UPF3B: variants seen among roughly 807,000 people sequenced by gnomAD.
UPF3B encodes the protein regulator of nonsense transcripts 3B.
Under a neutral mutation model 40.3 loss-of-function variants are expected in UPF3B, and 7 were observed. That is an observed-to-expected ratio of 0.17 (90% CI 0.10 to 0.33). The LOEUF (loss-of-function observed/expected upper bound fraction) is 0.33. UPF3B is among the 10% of genes least tolerant of loss of function. The pLI is 1.00. For synonymous variants in UPF3B, 117 were observed against 117.3 expected, an observed-to-expected ratio of 1.00 and a Z score of 0.01; for missense variants, 229 against 358.9, an observed-to-expected ratio of 0.64 and a Z score of 2.93.
intron 10 of UPF3B, among the ~76,000 whole-genome samples, chrX:119,836,447 G>A (rs982524130): frequency 3.3e-4 from 37 of 111,185 alleles, no homozygotes; most frequent in African/African-American, 1.1e-3. Context: ...AGGAATTATT[G>A]TTAGTTTTTT....
rs762456887 is a variant in UPF3B, at chrX:119,811,056, T to A, written c.603-3475A>T. 2.8e-5 allele frequency among the ~76,000 whole-genome samples: 3 copies of A among 109,071 alleles called. No individual in the cohort carries two copies. The East Asian group carries it at 8.7e-4, about 32-fold the overall frequency. 94.7% of individuals were successfully genotyped at this position (109,071 alleles called of 115,157 possible). On this transcript the variant is annotated intron_variant, in intron 5 of 6. Transcript: ENST00000636792. ...TTTTCCACAAACTTTTTTTTTTTTTTGAGACAGAGTCTGGCTCTGTCACCC... is the reference window on the plus strand; with the variant it reads ...TTTTCCACAAACTTTTTTTTTTTTTAGAGACAGAGTCTGGCTCTGTCACCC...
intron 5 of UPF3B, among the ~76,000 whole-genome samples, chrX:119,811,216 AT>A (rs1032917788): frequency 9.1e-6 from 1 of 109,563 alleles, no homozygotes; most frequent in Non-Finnish European, 1.9e-5. Context: ...TTTTTTTTCT[AT>A]TTTTTTAGTA....
At chrX:119,812,425 C>T (rs2055833982) in intron 5 of UPF3B, among the ~76,000 whole-genome samples, 1 of 111,217 alleles carries the variant, frequency 9.0e-6, no homozygotes, top group Non-Finnish European at 1.9e-5. Context: ...ATATCTTTTC[C>T]ATTCTCAACC....
chrX:119,844,761 A>C (rs1188291758), intron 4 of UPF3B, among the ~76,000 whole-genome samples: 3 of 110,546 alleles, frequency 2.7e-5, no homozygotes, highest in Non-Finnish European at 5.7e-5. Flanking sequence ...GCACCACCAT[A>C]CCCGGCTAAT....
chrX:119,819,107 G>A (rs1452550635), intron 4 of UPF3B, among the ~76,000 whole-genome samples: 1 of 99,478 alleles, frequency 1.0e-5, no homozygotes, highest in African/African-American at 3.7e-5. Context: ...AGGCTGGACT[G>A]CAGTGGTGCA....
At chrX:119,807,544 C>T (rs890403011) in exon 6 of UPF3B, 59 of 846,742 alleles carry the variant, frequency 7.0e-5, no homozygotes, top group East Asian at 8.6e-5. Context: ...ACCTGGGCTT[C>T]GAGCTCCTGG....
Position 119,842,597 on chromosome X carries a change from C to CACACAT in UPF3B, c.580+593_580+594insATGTGT, listed in dbSNP as rs1556379986. On this transcript the variant is annotated intron_variant, in intron 5 of 10. Transcript: ENST00000276201. ...TCCATCTCTCACACACACACACACA[C>CACACAT]ACACACATACACACACACACACACA... 5.1e-4 allele frequency among the ~76,000 whole-genome samples: 29 copies of CACACAT among 56,992 alleles called. No homozygotes were observed. The South Asian group carries it at 6.1e-3, about 12-fold the overall frequency. The allele number at this position is 56,992 out of a possible 115,157, so 49.5% of individuals were successfully genotyped here.
At chrX:119,809,020 A>C (rs12558775) in intron 5 of UPF3B, among the ~76,000 whole-genome samples, 33,571 of 111,741 alleles carry the variant, frequency 0.3, 4,855 homozygotes, top group Non-Finnish European at 0.45. Flanking sequence ...CAGTGGTAGA[A>C]AGAAATACCC....
chrX:119,842,686 C>T (rs947672742), intron 5 of UPF3B, among the ~76,000 whole-genome samples: 3 of 109,173 alleles, frequency 2.7e-5, no homozygotes, highest in African/African-American at 1.0e-4. Flanking sequence ...ACAAAAAAAC[C>T]CCACATATTC....
chrX:119,810,449 G>A (rs182606828), intron 5 of UPF3B, among the ~76,000 whole-genome samples: 104 of 112,198 alleles, frequency 9.3e-4, no homozygotes, highest in African/African-American at 3.1e-3. Context: ...TAATGGCTCC[G>A]AAGATGTGGA....
At chrX:119,835,500 G>T (rs2056081505) in intron 10 of UPF3B, among the ~76,000 whole-genome samples, 1 of 111,908 alleles carries the variant, frequency 8.9e-6, no homozygotes, top group Non-Finnish European at 1.9e-5. Flanking sequence ...CTCCCAAATT[G>T]TTGGGATTAC....
intron 5 of UPF3B, among the ~76,000 whole-genome samples, chrX:119,809,220 A>G (rs753467108): frequency 1.8e-5 from 2 of 110,206 alleles, no homozygotes; most frequent in South Asian, 7.6e-4. Context: ...GGTGTGACTC[A>G]CTCATTATCA....
intron 1 of UPF3B, 69 bp from the exon 2 acceptor site, chrX:119,851,942 G>T: frequency 1.4e-6 from 1 of 731,841 alleles, no homozygotes. Flanking sequence ...AAGAATCACA[G>T]TTCCTGAAGA....
chrX:119,840,488 T>G (rs1179526728), intron 8 of UPF3B, 158 bp downstream of exon 8: 1 of 438,190 alleles, frequency 2.3e-6, no homozygotes, highest in African/African-American at 2.5e-5. Context: ...AAGTAGAAAT[T>G]TATAATAAAA....
intron 5 of UPF3B, among the ~76,000 whole-genome samples, chrX:119,813,544 CTCTTT>C (rs2055840757): frequency 9.1e-6 from 1 of 109,629 alleles, no homozygotes; most frequent in Non-Finnish European, 1.9e-5. Context: ...CCAATTAAAC[CTCTTT>C]TATTTTTTTC....
At position 119,820,270 on chromosome X, in the gene UPF3B, A is replaced by T. The variant is rs778124651; in HGVS notation, c.494+2672T>A. 7.2e-5 allele frequency among the ~76,000 whole-genome samples: 8 copies of T among 111,345 alleles called. No homozygotes were observed. The East Asian group carries it at 2.2e-3, about 31-fold the overall frequency. ...GTGATTCTCCTGTCTGAGCCTCCTG[A>T]GAAGTTTGGACTACAGGTGTGCTCC... On this transcript the variant is annotated intron_variant, in intron 4 of 6. Coordinates refer to the UPF3B transcript ENST00000636792.
intron 5 of UPF3B, among the ~76,000 whole-genome samples, chrX:119,812,090 C>CA (rs905180550): frequency 4.5e-5 from 5 of 111,103 alleles, no homozygotes; most frequent in Non-Finnish European, 7.5e-5. Flanking sequence ...CCTGTCTCTA[C>CA]AAAAAATACA....
rs1326012737 is a variant in UPF3B, at chrX:119,811,285, C to T, written c.603-3704G>A. Among the ~76,000 whole-genome samples, 2 of 110,837 alleles carry T rather than the reference C, an allele frequency of 1.8e-5. 1 individual carries two copies. Among genetic ancestry groups the T allele is most frequent in the Non-Finnish European group, 3.8e-5 (2 of 52,848 alleles). On this transcript the variant is annotated intron_variant, in intron 5 of 6. Coordinates refer to the UPF3B transcript ENST00000636792. ...TCTTGAACTCCTGACCTCAGGTGGT[C>T]CACCTGCTTCGGCCTCCCAAAATGC...
intron 5 of UPF3B, among the ~76,000 whole-genome samples, chrX:119,814,969 G>A (rs2055852737): frequency 2.0e-5 from 2 of 101,511 alleles, no homozygotes; most frequent in Non-Finnish European, 2.0e-5. Context: ...GAGTTCAAGC[G>A]ATTCTCCTGC....
Sources: allele counts gnomAD v4.1 joint callset (sites outside exome capture counted in the v4.1 genomes callset), GRCh38; gene constraint gnomAD v4.1.1; transcripts MANE v1.5; gene names NCBI Gene and HGNC (gene_info 2026-07-23, HGNC 2026-07-21).